Variants in BMP7 observed in about 807,000 individuals in gnomAD.
The protein encoded by BMP7 is bone morphogenetic protein 7.
A neutral mutation model predicts 41.2 loss-of-function variants in BMP7; 12 were observed. That is an observed-to-expected ratio of 0.29 (90% CI 0.19 to 0.47). The LOEUF (loss-of-function observed/expected upper bound fraction) is 0.47. Among genes scored for constraint, BMP7 ranks in the 20% least tolerant of loss-of-function variants. The pLI, the probability that BMP7 is intolerant of heterozygous loss-of-function variation, is 0.99. For missense variants in BMP7, 467 were observed against 606.0 expected, an observed-to-expected ratio of 0.77 and a Z score of 2.41; for synonymous variants, 248 against 250.0, an observed-to-expected ratio of 0.99 and a Z score of 0.07.
chr20:57,252,687 G>A lies in BMP7; in HGVS notation c.418+13018C>T, dbSNP rs2066118605. Among the ~76,000 whole-genome samples, 3 of 152,290 alleles carry A rather than the reference G, an allele frequency of 2.0e-5. No individual in the cohort carries two copies. In the South Asian group the frequency reaches 6.2e-4, roughly 32 times the overall value. On this transcript the variant is annotated intron_variant, in intron 1 of 6. Coordinates refer to ENST00000395863, the MANE Select transcript of BMP7 (RefSeq NM_001719.3). ...GAGCTGTGTTCCCAGGAGAAGCCTCGAGTTTTGATTGCAATCTGTGCTTCT... is the reference window on the plus strand; with the variant it reads ...GAGCTGTGTTCCCAGGAGAAGCCTCAAGTTTTGATTGCAATCTGTGCTTCT...
rs1416032294 is a variant in BMP7, at chr20:57,174,724, C to T, written c.1035+207G>A. On this transcript the variant is annotated intron_variant, in intron 5 of 6. Coordinates refer to ENST00000395863, the MANE Select transcript of BMP7 (RefSeq NM_001719.3). This position sits in a 1 kb window ranked among gnomAD's most constrained non-coding sequence, Gnocchi z 4.3. Reference sequence around the variant, plus strand: ...GTCCAAAGTGTTTGGGTTCCTGGTTCAAGTTCAAGTCTCAACCACATTTCT... The same window carrying T: ...GTCCAAAGTGTTTGGGTTCCTGGTTTAAGTTCAAGTCTCAACCACATTTCT... 6.6e-6 allele frequency among the ~76,000 whole-genome samples: 1 copy of T among 152,188 alleles called. No homozygotes were observed. Among genetic ancestry groups the T allele is most frequent in the Admixed American group, 6.5e-5 (1 of 15,288 alleles).
intron 1 of BMP7, among the ~76,000 whole-genome samples, chr20:57,262,386 C>G (rs1477677323): frequency 1.3e-5 from 2 of 152,164 alleles, no homozygotes; most frequent in African/African-American, 2.4e-5. Flanking sequence ...GTTCACATTG[C>G]CTGGGGCTTT....
chr20:57,187,489 G>A (rs1984240035), intron 3 of BMP7, among the ~76,000 whole-genome samples: 1 of 151,358 alleles, frequency 6.6e-6, no homozygotes, highest in African/African-American at 2.4e-5. Flanking sequence ...AATAAATGAA[G>A]GAGAAGTATC....
intron 3 of BMP7, among the ~76,000 whole-genome samples, chr20:57,200,571 G>A (rs1259670736): frequency 6.6e-6 from 1 of 152,188 alleles, no homozygotes. Context: ...GAGAAGCACA[G>A]AACCCACTGG....
At chr20:57,262,318 T>C (rs1359562644) in intron 1 of BMP7, among the ~76,000 whole-genome samples, 2 of 152,194 alleles carry the variant, frequency 1.3e-5, no homozygotes, top group Non-Finnish European at 2.9e-5. Flanking sequence ...TTACAAATCT[T>C]GCCATTGAAC....
intron 4 of BMP7, among the ~76,000 whole-genome samples, chr20:57,179,534 A>T (rs1984023840): frequency 6.6e-6 from 1 of 152,144 alleles, no homozygotes; most frequent in African/African-American, 2.4e-5. Flanking sequence ...GCCCCGGGGG[A>T]GGGGGCTGGC....
chr20:57,262,686 G>A (rs913786767), intron 1 of BMP7, among the ~76,000 whole-genome samples: 3 of 152,144 alleles, frequency 2.0e-5, no homozygotes, highest in Non-Finnish European at 4.4e-5. Context: ...GCAGTGCAGG[G>A]CGAAGGGGCA....
chr20:57,190,905 G>A (rs1385848703), intron 3 of BMP7, among the ~76,000 whole-genome samples: 3 of 152,160 alleles, frequency 2.0e-5, no homozygotes, highest in South Asian at 2.1e-4. Flanking sequence ...AGTGGGCATC[G>A]GGGCTGCCTC....
intron 2 of BMP7, among the ~76,000 whole-genome samples, chr20:57,225,341 T>G (rs1985286238): frequency 1.3e-5 from 2 of 152,210 alleles, no homozygotes; most frequent in Admixed American, 1.3e-4. Flanking sequence ...GGGAAGGCAG[T>G]GCCACAGCCA....
chr20:57,236,942 G>T (rs936902796), intron 1 of BMP7, among the ~76,000 whole-genome samples: 1 of 152,206 alleles, frequency 6.6e-6, no homozygotes, highest in African/African-American at 2.4e-5. Flanking sequence ...TCACCCAGCA[G>T]CTCCTTCCAA....
chr20:57,199,596 C>T (rs1328225283), intron 3 of BMP7, among the ~76,000 whole-genome samples: 1 of 152,130 alleles, frequency 6.6e-6, no homozygotes, highest in African/African-American at 2.4e-5. Context: ...GCAGTTTGCC[C>T]CCTAGGGTGA....
At chr20:57,201,290 G>A (rs1984613089) in intron 3 of BMP7, among the ~76,000 whole-genome samples, 1 of 152,246 alleles carries the variant, frequency 6.6e-6, no homozygotes, top group Non-Finnish European at 1.5e-5. Context: ...GGCTCTGACA[G>A]GTTAGGGAAA....
At chr20:57,237,013 C>A (rs1309760789) in intron 1 of BMP7, among the ~76,000 whole-genome samples, 1 of 152,156 alleles carries the variant, frequency 6.6e-6, no homozygotes, top group Non-Finnish European at 1.5e-5. Flanking sequence ...CCTCTCACTG[C>A]CCCCAAAGAT....
rs976097928 is a variant in BMP7 at position 57,183,973 on chromosome 20, C to T, written c.761-54G>A. On this transcript the variant is annotated intron_variant, in intron 3 of 6. Coordinates refer to ENST00000395863, the MANE Select transcript of BMP7 (RefSeq NM_001719.3). ...AGAGTAGTTACAGGAGGGCCACGAG[C>T]GGGACAGGGCTGCAGAGATGCTATG... 62 of 1,584,758 alleles carry T rather than the reference C, an allele frequency of 3.9e-5. No individual in the cohort carries two copies. The Middle Eastern group carries it at 5.0e-4, about 13-fold the overall frequency.
At position 57,174,272 on chromosome 20, in the gene BMP7, G is replaced by T. The variant is rs1056065608; in HGVS notation, c.1035+659C>A. ...AGCCCCACAGGGCAGACACATTGCAGTGTTCATCGCTGCATCTCCAATCCA... is the reference window on the plus strand; with the variant it reads ...AGCCCCACAGGGCAGACACATTGCATTGTTCATCGCTGCATCTCCAATCCA... On this transcript the variant is annotated intron_variant, in intron 5 of 6. Transcript: ENST00000395863. The surrounding 1 kb of genome is among the most constrained non-coding windows in gnomAD (Gnocchi z 4.3). Among the ~76,000 whole-genome samples the T allele has an allele frequency of 6.6e-6, 1 of 152,198 alleles. No individual in the cohort carries two copies. The highest frequency in any genetic ancestry group is 1.5e-5 in the Non-Finnish European group (1 of 68,038).
chr20:57,245,698 G>T (rs2066087834), intron 1 of BMP7, among the ~76,000 whole-genome samples: 1 of 149,116 alleles, frequency 6.7e-6, no homozygotes, highest in Non-Finnish European at 1.5e-5. Context: ...GAGTGCAGTG[G>T]CGTGATCTCG....
intron 1 of BMP7, among the ~76,000 whole-genome samples, chr20:57,263,589 G>A (rs2066161917): frequency 6.6e-6 from 1 of 152,146 alleles, no homozygotes; most frequent in Non-Finnish European, 1.5e-5. Context: ...CCTTTTTAAT[G>A]ATTCCAGCCA....
Position 57,168,791 on chromosome 20 carries a change from C to A in BMP7, c.*2168G>T, listed in dbSNP as rs543974909. On this transcript the variant is annotated 3_prime_UTR_variant, in exon 7 of 7. Coordinates refer to ENST00000395863, the MANE Select transcript of BMP7 (RefSeq NM_001719.3). ...GTCTCCTTTTATTGCAAGGTCAAAC[C>A]CTTTTCATTTTGTCTATTTATACAG... 3 of 152,190 alleles carry A rather than the reference C, an allele frequency of 2.0e-5. No homozygotes were observed. The highest frequency in any genetic ancestry group is 4.8e-5 in the African/African-American group (2 of 41,432). The allele number at this position is 152,190 out of a possible 1,614,324, so 9.4% of individuals were successfully genotyped here.
chr20:57,208,878 C>A (rs1406482861), intron 2 of BMP7, among the ~76,000 whole-genome samples: 4 of 152,078 alleles, frequency 2.6e-5, no homozygotes, highest in Admixed American at 2.6e-4. Flanking sequence ...CCCAAATAGG[C>A]AAATCCATAA....
Sources: allele counts gnomAD v4.1 joint callset (sites outside exome capture counted in the v4.1 genomes callset), GRCh38; gene constraint gnomAD v4.1.1; non-coding constraint Gnocchi (gnomAD v3.1); transcripts MANE v1.5; gene names NCBI Gene and HGNC (gene_info 2026-07-23, HGNC 2026-07-21).